FAM168B: variants seen among roughly 807,000 people sequenced by gnomAD.
The protein encoded by FAM168B is myelin-associated neurite-outgrowth inhibitor.
A neutral mutation model predicts 21.8 loss-of-function variants in FAM168B; 19 were observed. The ratio of observed to expected loss-of-function variants is 0.87; its 90% confidence interval spans 0.61 to 1.28. FAM168B has a LOEUF of 1.28. Ranked by LOEUF, FAM168B falls within the 50% of genes most tolerant of loss-of-function variation. FAM168B has a pLI of 0.00. For synonymous variants in FAM168B, 126 were observed against 104.8 expected, an observed-to-expected ratio of 1.20 and a Z score of -1.24; for missense variants, 233 against 263.1, an observed-to-expected ratio of 0.89 and a Z score of 0.79.
intron 3 of FAM168B, among the ~76,000 whole-genome samples, 170 bp downstream of exon 3, chr2:131,071,685 T>C (rs527817358): frequency 3.3e-4 from 51 of 152,266 alleles, no homozygotes; most frequent in African/African-American, 1.2e-3. Context: ...ATATAAAGCT[T>C]CAGTGCAGTA....
At chr2:131,091,437 G>A (rs1694023397) in intron 1 of FAM168B, among the ~76,000 whole-genome samples, 1 of 151,956 alleles carries the variant, frequency 6.6e-6, no homozygotes, top group Admixed American at 6.6e-5. Context: ...CCTGAGGTCA[G>A]GAGTTCAAGA....
intron 2 of FAM168B, among the ~76,000 whole-genome samples, chr2:131,077,919 CAG>C (rs1465412986): frequency 6.6e-6 from 1 of 152,162 alleles, no homozygotes; most frequent in Non-Finnish European, 1.5e-5. Flanking sequence ...ATGGACTGTG[CAG>C]AGCATGTCAG....
At position 131,049,904 on chromosome 2, in the gene FAM168B, A is replaced by T. The variant is rs535577780; in HGVS notation, c.*2561T>A. 2 of 985,658 alleles carry T rather than the reference A, an allele frequency of 2.0e-6. No individual in the cohort carries two copies. Among genetic ancestry groups the T allele is most frequent in the Non-Finnish European group, 2.4e-6 (2 of 829,944 alleles). 61.1% of individuals were successfully genotyped at this position (985,658 alleles called of 1,614,324 possible). On this transcript the variant is annotated 3_prime_UTR_variant, in exon 7 of 7. Coordinates refer to ENST00000389915, the MANE Select transcript of FAM168B (RefSeq NM_001009993.4). ...ACTAGAAGCGAATGTTGATAAAATT[A>T]CAACCTATGACAGTTTTGTGACTAT...
intron 3 of FAM168B, 46 bp downstream of exon 3, chr2:131,071,805 CCTTT>C (rs1692882821): frequency 6.5e-7 from 1 of 1,530,312 alleles, no homozygotes. Context: ...CACCCCTTCA[CCTTT>C]CTCTCCCAGC....
At chr2:131,060,932 A>AAGC (rs1371461852) in intron 3 of FAM168B, among the ~76,000 whole-genome samples, 1 of 151,866 alleles carries the variant, frequency 6.6e-6, no homozygotes, top group African/African-American at 2.4e-5. Flanking sequence ...GCTCACTGCA[A>AAGC]ACTCCGCCTC....
Position 131,051,615 on chromosome 2 carries a change from C to T in FAM168B, c.*850G>A. ...AATTTAGTTTTACATAGGACTTTTC[C>T]AATAAAGACATATAAAAACATCATC... is the stretch of plus-strand genomic sequence containing the variant. On this transcript the variant is annotated 3_prime_UTR_variant, in exon 7 of 7. Transcript: ENST00000389915. The T allele has an allele frequency of 1.0e-6, 1 of 985,262 alleles. No individual in the cohort carries two copies. The highest frequency in any genetic ancestry group is 1.2e-6 in the Non-Finnish European group (1 of 829,892). The allele number at this position is 985,262 out of a possible 1,614,324, so 61.0% of individuals were successfully genotyped here.
intron 1 of FAM168B, among the ~76,000 whole-genome samples, chr2:131,092,012 C>G (rs1401785937): frequency 6.7e-6 from 1 of 150,040 alleles, no homozygotes; most frequent in Non-Finnish European, 1.5e-5. Flanking sequence ...GGCGTGGTGG[C>G]GGGCGCCTGC....
At chr2:131,072,023 T>G in intron 2 of FAM168B, 85 bp from the exon 3 acceptor site, 2 of 1,227,972 alleles carry the variant, frequency 1.6e-6, no homozygotes, top group South Asian at 2.5e-5. Context: ...CGCTCTTACC[T>G]TCTTCCCCAG....
At chr2:131,067,665 G>A (rs1024590246) in intron 3 of FAM168B, among the ~76,000 whole-genome samples, 2 of 152,014 alleles carry the variant, frequency 1.3e-5, no homozygotes, top group Non-Finnish European at 2.9e-5. Context: ...GCTTGGCAGT[G>A]AGCCAAGTTC....
At chr2:131,053,153 G>T in intron 5 of FAM168B, 138 bp from the exon 6 acceptor site, 1 of 1,262,020 alleles carries the variant, frequency 7.9e-7, no homozygotes, top group Non-Finnish European at 1.0e-6. Flanking sequence ...GATACTGTCA[G>T]AACTCTGATT....
At chr2:131,060,572 G>C (rs1438203721) in intron 3 of FAM168B, among the ~76,000 whole-genome samples, 2 of 152,122 alleles carry the variant, frequency 1.3e-5, no homozygotes, top group Non-Finnish European at 2.9e-5. Context: ...TAAAACTTAG[G>C]GGGTAACTGG....
chr2:131,084,197 C>G (rs185444255), intron 1 of FAM168B, among the ~76,000 whole-genome samples: 29 of 141,506 alleles, frequency 2.0e-4, no homozygotes, highest in East Asian at 6.4e-4. Flanking sequence ...CCGCCCCCCC[C>G]ACCCCACCCC....
At position 131,049,796 on chromosome 2, in the gene FAM168B, T is replaced by TCCAC; in HGVS notation, c.*2665_*2668dup. Reference sequence around the variant, plus strand: ...ACAAAAAGCAAATTTCTCAGAATGCTCCACCATATGCTTCGGGACAAATTA... The same window carrying TCCAC: ...ACAAAAAGCAAATTTCTCAGAATGCTCCACCCACCATATGCTTCGGGACAAATTA... On this transcript the variant is annotated 3_prime_UTR_variant, in exon 7 of 7. Transcript: ENST00000389915. The TCCAC allele has an allele frequency of 1.0e-6, 1 of 985,880 alleles. No individual in the cohort carries two copies. Among genetic ancestry groups the TCCAC allele is most frequent in the African/African-American group, 1.7e-5 (1 of 57,376 alleles). 61.1% of individuals were successfully genotyped at this position (985,880 alleles called of 1,614,324 possible). A position where few individuals can be genotyped will look rare whatever the true frequency, so the allele number is the denominator to read the frequency against.
intron 2 of FAM168B, among the ~76,000 whole-genome samples, chr2:131,075,842 C>A (rs560285376): frequency 6.6e-6 from 1 of 152,168 alleles, no homozygotes; most frequent in African/African-American, 2.4e-5. Flanking sequence ...CAAACACACA[C>A]GATAGTATTT....
At chr2:131,056,833 G>A (rs1370238618) in intron 3 of FAM168B, among the ~76,000 whole-genome samples, 1 of 152,004 alleles carries the variant, frequency 6.6e-6, no homozygotes, top group African/African-American at 2.4e-5. Flanking sequence ...ACACATGCTG[G>A]ATGCATGTAC....
At position 131,091,411 on chromosome 2, in the gene FAM168B, C is replaced by G. The variant is rs559376106; in HGVS notation, c.-12+1803G>C. Among the ~76,000 whole-genome samples, 5 of 151,726 alleles carry G rather than the reference C, an allele frequency of 3.3e-5. No individual in the cohort carries two copies. In the South Asian group the frequency reaches 1.0e-3, roughly 32 times the overall value. ...TGGTGTCTCCAGCACTTTGGGAGGC[C>G]GACGTAGGTGGACCACCTGAGGTCA... On this transcript the variant is annotated intron_variant, in intron 1 of 6. Transcript: ENST00000389915.
chr2:131,049,353 T>C lies in FAM168B; in HGVS notation c.*3112A>G, dbSNP rs547746200. On this transcript the variant is annotated 3_prime_UTR_variant, in exon 7 of 7. Transcript: ENST00000389915. ...CCCATTGCCTGTGAACACATTTGCA[T>C]AGCACTCAAGAAGGTTTCCCAGAAT... 44 of 985,384 alleles carry C rather than the reference T, an allele frequency of 4.5e-5. No homozygotes were observed. The highest frequency in any genetic ancestry group is 5.3e-5 in the Non-Finnish European group (44 of 830,006). 61.0% of individuals were successfully genotyped at this position (985,384 alleles called of 1,614,324 possible).
intron 1 of FAM168B, among the ~76,000 whole-genome samples, 157 bp downstream of exon 1, chr2:131,093,057 C>T (rs1425162338): frequency 2.6e-5 from 4 of 151,334 alleles, no homozygotes; most frequent in African/African-American, 9.7e-5. Context: ...CCGGCCCCCG[C>T]CCGGCCTTGC....
chr2:131,066,151 A>G (rs1216844709), intron 3 of FAM168B, among the ~76,000 whole-genome samples: 1 of 150,178 alleles, frequency 6.7e-6, no homozygotes, highest in Middle Eastern at 3.2e-3. Context: ...ACTCTTTGCA[A>G]CATTTGTATC....
Sources: gnomAD v4.1 joint callset for allele counts (sites outside exome capture counted in the v4.1 genomes callset) on GRCh38, gnomAD v4.1.1 for gene constraint, MANE v1.5 for transcripts, NCBI Gene and HGNC (gene_info 2026-07-23, HGNC 2026-07-21) for gene names.